Variants in HDAC8 observed in about 807,000 individuals in gnomAD.
HDAC8 encodes histone deacetylase-like 1.
In HDAC8, 1 loss-of-function variant was observed where a neutral mutation model predicts 32.2. That is an observed-to-expected ratio of 0.03 (90% CI 0.01 to 0.15). The LOEUF (loss-of-function observed/expected upper bound fraction) is 0.15, where lower values mean the gene tolerates loss of function less well. Ranked by LOEUF, HDAC8 falls within the 10% of genes least tolerant of loss-of-function variation. The probability of loss-of-function intolerance (pLI) is 1.00; values close to 1 mark genes in which losing one functional copy is unlikely to be tolerated. For synonymous variants in HDAC8, 108 were observed against 113.9 expected (o/e 0.95, Z 0.33); for missense variants, 117 against 300.0 (o/e 0.39, Z 4.51).
chrX:72,342,507 G>A (rs1236027014), intron 10 of HDAC8, among the ~76,000 whole-genome samples: 1 of 112,430 alleles, frequency 8.9e-6, no homozygotes, highest in Non-Finnish European at 1.9e-5. Flanking sequence ...CAACAGTTAG[G>A]CATTCCAAAA....
At chrX:72,444,264 G>A (rs1383255188) in intron 9 of HDAC8, among the ~76,000 whole-genome samples, 1 of 104,011 alleles carries the variant, frequency 9.6e-6, no homozygotes, top group Non-Finnish European at 2.0e-5. Context: ...TATCCTTGAT[G>A]AACATTGATG....
intron 2 of HDAC8, among the ~76,000 whole-genome samples, chrX:72,571,478 C>G (rs782183807): frequency 9.2e-6 from 1 of 108,197 alleles, no homozygotes; most frequent in African/African-American, 3.3e-5. Context: ...AGCTGTATTT[C>G]TAATGAACCT....
chrX:72,362,599 A>G (rs1555953047), intron 9 of HDAC8, among the ~76,000 whole-genome samples: 9 of 112,521 alleles, frequency 8.0e-5, no homozygotes, highest in Non-Finnish European at 1.9e-5. Context: ...TTGTGACAAT[A>G]AATGAGTGAA....
chrX:72,470,702 C>T (rs2048147797), intron 7 of HDAC8, among the ~76,000 whole-genome samples: 3 of 111,686 alleles, frequency 2.7e-5, no homozygotes, highest in African/African-American at 9.8e-5. Context: ...AGAGACCTCT[C>T]GATTACCATA....
intron 9 of HDAC8, among the ~76,000 whole-genome samples, chrX:72,438,192 C>T (rs1555980096): frequency 8.9e-6 from 1 of 112,076 alleles, no homozygotes; most frequent in African/African-American, 3.2e-5. Context: ...TGGTGATACC[C>T]AGGCAAACAG....
chrX:72,388,593 A>G (rs1374571554), intron 9 of HDAC8, among the ~76,000 whole-genome samples: 1 of 73,364 alleles, frequency 1.4e-5, no homozygotes, highest in Non-Finnish European at 2.2e-5. Context: ...TGCCACAGTG[A>G]TTACACACAC....
intron 4 of HDAC8, among the ~76,000 whole-genome samples, chrX:72,558,261 A>G (rs2051353232): frequency 8.9e-6 from 1 of 111,806 alleles, no homozygotes; most frequent in Non-Finnish European, 1.9e-5. Context: ...TCACCCTAAT[A>G]CCAAAACTAG....
chrX:72,522,604 T>C (rs2050016261), intron 4 of HDAC8, among the ~76,000 whole-genome samples: 1 of 112,381 alleles, frequency 8.9e-6, no homozygotes, highest in South Asian at 3.7e-4. Flanking sequence ...AGCCAGCTGG[T>C]AAGAGCCGAT....
intron 9 of HDAC8, among the ~76,000 whole-genome samples, chrX:72,370,817 G>A (rs1162369712): frequency 4.5e-5 from 5 of 112,004 alleles, no homozygotes; most frequent in African/African-American, 1.6e-4. Context: ...AGGCTGGGAC[G>A]CTAGGCCAGT....
At chrX:72,422,442 C>A (rs1555973970) in intron 9 of HDAC8, among the ~76,000 whole-genome samples, 2 of 110,050 alleles carry the variant, frequency 1.8e-5, no homozygotes, top group South Asian at 7.9e-4. Flanking sequence ...GTGCCTGAAG[C>A]CTCTAGTGAA....
At chrX:72,481,789 T>C (rs1556003325) in intron 7 of HDAC8, among the ~76,000 whole-genome samples, 2 of 109,409 alleles carry the variant, frequency 1.8e-5, no homozygotes, top group Non-Finnish European at 3.8e-5. Flanking sequence ...TTTGTACTTT[T>C]AGTAGAGACG....
chrX:72,525,813 CAAAAAAAAAAAAA>C (rs57801277), intron 4 of HDAC8, among the ~76,000 whole-genome samples: 3 of 21,554 alleles, frequency 1.4e-4, no homozygotes, highest in African/African-American at 4.6e-4. Context: ...GACTCTGTCT[CAAAAAAAAAAAAA>C]AAAAAAAAAA....
At chrX:72,458,389 C>T (rs1370431080) in intron 9 of HDAC8, among the ~76,000 whole-genome samples, 1 of 112,360 alleles carries the variant, frequency 8.9e-6, no homozygotes, top group Non-Finnish European at 1.9e-5. Context: ...CTTATCACTT[C>T]TAATATTTGT....
At chrX:72,534,547 G>A (rs1352306597) in intron 4 of HDAC8, among the ~76,000 whole-genome samples, 1 of 110,876 alleles carries the variant, frequency 9.0e-6, no homozygotes, top group Non-Finnish European at 1.9e-5. Flanking sequence ...GACCGCAAGT[G>A]ATCCTACTGC....
intron 9 of HDAC8, among the ~76,000 whole-genome samples, chrX:72,438,179 C>G (rs1189748815): frequency 8.9e-6 from 1 of 112,107 alleles, no homozygotes; most frequent in African/African-American, 3.2e-5. Context: ...TTGCAGCCTC[C>G]GCTGGTGATA....
chrX:72,421,269 T>C (rs1184225295), intron 9 of HDAC8, among the ~76,000 whole-genome samples: 1 of 111,315 alleles, frequency 9.0e-6, no homozygotes, highest in African/African-American at 3.3e-5. Flanking sequence ...CATGTGGAGG[T>C]TTGTTACACA....
At chrX:72,527,845 G>A (rs1296626086) in intron 4 of HDAC8, among the ~76,000 whole-genome samples, 2 of 100,581 alleles carry the variant, frequency 2.0e-5, no homozygotes, top group African/African-American at 7.5e-5. Context: ...GCATGATCTC[G>A]GCTCACTGCA....
chrX:72,503,732 C>G (rs186934183), intron 4 of HDAC8, among the ~76,000 whole-genome samples: 2 of 111,953 alleles, frequency 1.8e-5, no homozygotes, highest in Admixed American at 1.9e-4. Context: ...GGTATGTAAC[C>G]AAGGCCTTAC....
chrX:72,470,589 C>T (rs2048144351), intron 7 of HDAC8, among the ~76,000 whole-genome samples: 1 of 111,558 alleles, frequency 9.0e-6, no homozygotes, highest in Admixed American at 9.5e-5. Context: ...TCCCTTTCTT[C>T]TCAGCATTGT....
Sources: gnomAD v4.1 joint callset for allele counts (sites outside exome capture counted in the v4.1 genomes callset) on GRCh38, gnomAD v4.1.1 for gene constraint, MANE v1.5 for transcripts, NCBI Gene and HGNC (gene_info 2026-07-23, HGNC 2026-07-21) for gene names.